INTS9: variants seen among roughly 807,000 people sequenced by gnomAD.
INTS9 encodes the protein integrator complex subunit 9, also known as protein related to CPSF subunits of 74 kDa.
In INTS9, 55 loss-of-function variants were observed where a neutral mutation model predicts 79.7. The observed-to-expected ratio is 0.69, with a 90% CI of 0.56 to 0.86. The LOEUF (loss-of-function observed/expected upper bound fraction) is 0.86. Among genes scored for constraint, INTS9 ranks in the 40% least tolerant of loss-of-function variants. The probability of loss-of-function intolerance (pLI) is 0.00; values close to 1 mark genes in which losing one functional copy is unlikely to be tolerated. For missense variants in INTS9, 721 were observed against 831.5 expected, an observed-to-expected ratio of 0.87 and a Z score of 1.64; for synonymous variants, 319 against 325.2, an observed-to-expected ratio of 0.98 and a Z score of 0.20.
At chr8:28,792,418 A>G (rs559636876) in intron 10 of INTS9, among the ~76,000 whole-genome samples, 1 of 152,148 alleles carries the variant, frequency 6.6e-6, no homozygotes, top group Non-Finnish European at 1.5e-5. Flanking sequence ...TTCTAAACAT[A>G]GTATCAACAG....
chr8:28,786,902 A>G (rs1269957258), intron 11 of INTS9, among the ~76,000 whole-genome samples: 1 of 152,126 alleles, frequency 6.6e-6, no homozygotes, highest in African/African-American at 2.4e-5. Flanking sequence ...TATTTGTAGT[A>G]GAGACGGGGT....
intron 11 of INTS9, among the ~76,000 whole-genome samples, chr8:28,785,605 C>T (rs1474787024): frequency 2.0e-5 from 3 of 152,172 alleles, no homozygotes; most frequent in East Asian, 1.9e-4. Context: ...ATCTTACAGC[C>T]TCATCTTGTA....
chr8:28,858,918 A>C (rs986227267), intron 2 of INTS9, among the ~76,000 whole-genome samples: 1 of 152,234 alleles, frequency 6.6e-6, no homozygotes, highest in Admixed American at 6.5e-5. Context: ...GCAAAGTCTT[A>C]TTTAAGCATA....
chr8:28,792,231 C>T (rs1466229186), intron 10 of INTS9, among the ~76,000 whole-genome samples: 1 of 152,060 alleles, frequency 6.6e-6, no homozygotes, highest in Non-Finnish European at 1.5e-5. Context: ...AGTACTTGGA[C>T]AGGTAAGTAC....
intron 14 of INTS9, among the ~76,000 whole-genome samples, chr8:28,775,280 G>A (rs879805310): frequency 6.6e-6 from 1 of 152,144 alleles, no homozygotes; most frequent in Non-Finnish European, 1.5e-5. Flanking sequence ...TTTATTAGTT[G>A]AAAAACAAGA....
intron 9 of INTS9, among the ~76,000 whole-genome samples, 162 bp downstream of exon 9, chr8:28,796,382 C>A (rs1203049570): frequency 6.6e-6 from 1 of 152,218 alleles, no homozygotes; most frequent in Non-Finnish European, 1.5e-5. Context: ...AAGTGTAACA[C>A]TCTTTTCTGT....
chr8:28,785,140 G>A (rs73237165), intron 11 of INTS9, among the ~76,000 whole-genome samples: 15,926 of 152,248 alleles, frequency 0.1, 1,056 homozygotes, highest in Middle Eastern at 0.18. Flanking sequence ...TTTGTGTTAA[G>A]AGCCACGCAA....
At chr8:28,792,618 C>T (rs1803979638) in intron 10 of INTS9, among the ~76,000 whole-genome samples, 1 of 151,916 alleles carries the variant, frequency 6.6e-6, no homozygotes. Context: ...TAATAATGTA[C>T]TAATGTTATT....
rs529474568 is a variant in INTS9 at position 28,887,207 on chromosome 8, A to G, written c.9+2667T>C. On this transcript the variant is annotated intron_variant, in intron 1 of 16. Transcript: ENST00000521022. ...CAGGCAAAAAAGAGTGAGGCAGGCAATGGAACATATTCAACCAAGTTAAGT... is the reference window on the plus strand; with the variant it reads ...CAGGCAAAAAAGAGTGAGGCAGGCAGTGGAACATATTCAACCAAGTTAAGT... Among the ~76,000 whole-genome samples, 11 of 152,360 alleles carry G rather than the reference A, an allele frequency of 7.2e-5. No individual in the cohort carries two copies. In the South Asian group the frequency reaches 2.3e-3, roughly 32 times the overall value.
chr8:28,805,677 G>A (rs1368388891), intron 8 of INTS9, among the ~76,000 whole-genome samples: 3 of 152,098 alleles, frequency 2.0e-5, no homozygotes, highest in Admixed American at 6.5e-5. Context: ...GGGGAGATGA[G>A]GACAGTGTGG....
At chr8:28,836,552 A>C (rs1806815725) in intron 5 of INTS9, among the ~76,000 whole-genome samples, 1 of 152,194 alleles carries the variant, frequency 6.6e-6, no homozygotes, top group African/African-American at 2.4e-5. Context: ...TTTTGGCCTA[A>C]TACCATCTCC....
At chr8:28,849,012 G>A (rs1173071891) in intron 3 of INTS9, among the ~76,000 whole-genome samples, 1 of 152,162 alleles carries the variant, frequency 6.6e-6, no homozygotes, top group Non-Finnish European at 1.5e-5. Flanking sequence ...AAAATCTGGT[G>A]TCAAATTATG....
chr8:28,782,402 C>T (rs1318516059), intron 11 of INTS9, among the ~76,000 whole-genome samples: 2 of 152,250 alleles, frequency 1.3e-5, no homozygotes, highest in Non-Finnish European at 2.9e-5. Flanking sequence ...TCCTGCAAAG[C>T]TAGAGCTGTG....
At position 28,775,900 on chromosome 8, in the gene INTS9, C is replaced by T. The variant is rs1802845975; in HGVS notation, c.1422G>A (p.Gln474=). The T allele has an allele frequency of 2.5e-6, 4 of 1,588,814 alleles. No homozygotes were observed. In the East Asian group the frequency reaches 9.0e-5, roughly 36 times the overall value. Residue 474 remains glutamine (Q), a synonymous_variant, in exon 14 of 17, where the codon CAG becomes CAA. Coordinates refer to ENST00000521022, the MANE Select transcript of INTS9 (RefSeq NM_018250.4). ...ACTGGGCTGGGGGCGGCTGAGTGTA[C>T]TGCTCAGGACACACCACGTGCAGGG... ...VQPLHVVCPE[Q]YTQPPPAQSH...
intron 1 of INTS9, among the ~76,000 whole-genome samples, chr8:28,885,934 A>G (rs1810154570): frequency 6.6e-6 from 1 of 152,240 alleles, no homozygotes; most frequent in African/African-American, 2.4e-5. Flanking sequence ...AGTTAAATAA[A>G]GCTGCCTGAA....
At chr8:28,848,477 C>T (rs968990953) in intron 3 of INTS9, among the ~76,000 whole-genome samples, 3 of 152,268 alleles carry the variant, frequency 2.0e-5, no homozygotes, top group African/African-American at 7.2e-5. Flanking sequence ...TGGTTTCTCT[C>T]CTTAGATGAG....
At chr8:28,782,016 G>A (rs1389241576) in intron 11 of INTS9, among the ~76,000 whole-genome samples, 3 of 152,198 alleles carry the variant, frequency 2.0e-5, no homozygotes, top group Non-Finnish European at 4.4e-5. Flanking sequence ...GCAACTGCGT[G>A]TGTGGGGCAG....
chr8:28,847,079 C>T (rs1263020517), intron 3 of INTS9, among the ~76,000 whole-genome samples: 1 of 152,168 alleles, frequency 6.6e-6, no homozygotes, highest in East Asian at 1.9e-4. Flanking sequence ...TGGGTATGTG[C>T]TGCTCCCATA....
chr8:28,870,053 C>T (rs915208514), intron 1 of INTS9, among the ~76,000 whole-genome samples: 2 of 152,014 alleles, frequency 1.3e-5, no homozygotes, highest in Non-Finnish European at 2.9e-5. Flanking sequence ...GTAGGGGCTG[C>T]CTTCGGAACC....
Sources: allele counts gnomAD v4.1 joint callset (sites outside exome capture counted in the v4.1 genomes callset), GRCh38; gene constraint gnomAD v4.1.1; transcripts MANE v1.5; gene names NCBI Gene and HGNC (gene_info 2026-07-23, HGNC 2026-07-21).